STARD13: variants seen among roughly 807,000 people sequenced by gnomAD.
STARD13 encodes the protein StAR related lipid transfer domain containing 13.
In STARD13, 62 loss-of-function variants were observed where a neutral mutation model predicts 106.4. The ratio of observed to expected loss-of-function variants is 0.58; its 90% CI spans 0.48 to 0.72. The LOEUF is 0.72. Among genes scored for constraint, STARD13 ranks in the 30% least tolerant of loss-of-function variants. The pLI, the probability that STARD13 is intolerant of heterozygous loss-of-function variation, is 0.00. For synonymous variants in STARD13, 565 were observed against 553.0 expected (o/e 1.02, Z -0.31); for missense variants, 1,387 against 1,424.0 (o/e 0.97, Z 0.42).
intron 1 of STARD13, among the ~76,000 whole-genome samples, chr13:33,246,726 G>C (rs1889840456): frequency 1.3e-5 from 2 of 152,138 alleles, no homozygotes; most frequent in Admixed American, 6.5e-5. Context: ...AACTAAGAGA[G>C]AGAGAGAGAG....
chr13:33,284,405 CATTT>C (rs1405040732), intron 1 of STARD13, among the ~76,000 whole-genome samples: 1 of 152,176 alleles, frequency 6.6e-6, no homozygotes, highest in Non-Finnish European at 1.5e-5. Flanking sequence ...ATCTTAAACT[CATTT>C]ATTTAAGTGG....
intron 1 of STARD13, among the ~76,000 whole-genome samples, chr13:33,195,450 T>C (rs1455479243): frequency 6.6e-6 from 1 of 152,240 alleles, no homozygotes; most frequent in African/African-American, 2.4e-5. Context: ...TGTAATTCAC[T>C]GAATCATTGC....
chr13:33,111,133 A>G (rs570094931), intron 10 of STARD13, among the ~76,000 whole-genome samples: 7 of 152,344 alleles, frequency 4.6e-5, no homozygotes, highest in African/African-American at 1.7e-4. Context: ...AAACATTGCA[A>G]TGACTTCCCC....
intron 1 of STARD13, among the ~76,000 whole-genome samples, chr13:33,339,892 G>A (rs778337376): frequency 2.0e-5 from 3 of 151,206 alleles, no homozygotes; most frequent in Non-Finnish European, 4.4e-5. Flanking sequence ...CAAGACCAGC[G>A]AGACTCTGTC....
At chr13:33,633,434 A>G in the STARD13 span, among the ~76,000 whole-genome samples, 1 of 152,224 alleles carries the variant, frequency 6.6e-6, no homozygotes, top group African/African-American at 2.4e-5. Context: ...AGATATACAT[A>G]TATACTTAGT....
the STARD13 span, among the ~76,000 whole-genome samples, chr13:33,540,459 A>G: frequency 6.6e-6 from 1 of 152,216 alleles, no homozygotes; most frequent in South Asian, 2.1e-4. Context: ...ATGCTGAACA[A>G]AGGGAGGATA....
rs973293749 is a variant in STARD13 at position 33,255,951 on chromosome 13, G to A, written c.169+29519C>T. Among the ~76,000 whole-genome samples, 5 of 152,210 alleles carry A rather than the reference G, an allele frequency of 3.3e-5. No individual in the cohort carries two copies. The South Asian group carries it at 8.3e-4, about 25-fold the overall frequency. On this transcript the variant is annotated intron_variant, in intron 1 of 13. Coordinates refer to ENST00000336934, the MANE Select transcript of STARD13 (RefSeq NM_178006.4). ...CATAAGCACTAAAGAAAGAGCACATGTATGCAGGTCAATTTTTATATCAAG... is the reference window on the plus strand; with the variant it reads ...CATAAGCACTAAAGAAAGAGCACATATATGCAGGTCAATTTTTATATCAAG...
rs190436813 is a variant in STARD13 at position 33,174,800 on chromosome 13, T to C, written c.170-7178A>G. Among the ~76,000 whole-genome samples, 4 of 152,330 alleles carry C rather than the reference T, an allele frequency of 2.6e-5. No individual in the cohort carries two copies. The East Asian group carries it at 7.7e-4, about 29-fold the overall frequency. ...CTCAAGCGGAAACTGTTGTTGCATGTCTGTTAGTGTGGTGTAGAGATGAAC... is the reference window on the plus strand; with the variant it reads ...CTCAAGCGGAAACTGTTGTTGCATGCCTGTTAGTGTGGTGTAGAGATGAAC... On this transcript the variant is annotated intron_variant, in intron 1 of 13. Transcript: ENST00000336934.
the STARD13 span, among the ~76,000 whole-genome samples, chr13:33,614,460 G>A: frequency 6.6e-6 from 1 of 152,158 alleles, no homozygotes; most frequent in African/African-American, 2.4e-5. Flanking sequence ...TGGGCCACAG[G>A]TGTTCACTGA....
chr13:33,593,277 C>T, the STARD13 span, among the ~76,000 whole-genome samples: 4 of 152,010 alleles, frequency 2.6e-5, no homozygotes, highest in Admixed American at 2.0e-4. Flanking sequence ...CTCTGCCTCC[C>T]GGGTTCAAGT....
the STARD13 span, among the ~76,000 whole-genome samples, chr13:33,370,331 T>A: frequency 7.6e-4 from 116 of 152,316 alleles, 1 homozygote; most frequent in Middle Eastern, 0.027. Flanking sequence ...AATTTTGATA[T>A]TTATGGGCCA....
chr13:33,455,045 C>A, the STARD13 span, among the ~76,000 whole-genome samples: 1 of 152,322 alleles, frequency 6.6e-6, no homozygotes, highest in Non-Finnish European at 1.5e-5. Context: ...AGTAAAGGAA[C>A]TTTTAATTCA....
intron 1 of STARD13, among the ~76,000 whole-genome samples, chr13:33,200,328 T>C (rs924161956): frequency 6.6e-6 from 1 of 152,158 alleles, no homozygotes; most frequent in Non-Finnish European, 1.5e-5. Flanking sequence ...GACCTATTCG[T>C]CCCTGTGCCA....
chr13:33,315,015 G>A (rs2138511500), intron 1 of STARD13, among the ~76,000 whole-genome samples: 1 of 152,266 alleles, frequency 6.6e-6, no homozygotes, highest in Non-Finnish European at 1.5e-5. Context: ...TTTTTCATTG[G>A]AAGTTATAAT....
chr13:33,189,368 G>T (rs1886035119), intron 1 of STARD13, among the ~76,000 whole-genome samples: 1 of 140,738 alleles, frequency 7.1e-6, no homozygotes, highest in African/African-American at 2.6e-5. Context: ...AAGCAGGAGG[G>T]CAGGAAGGGA....
chr13:33,113,580 G>C, intron 8 of STARD13: 1 of 515,920 alleles, frequency 1.9e-6, no homozygotes. Flanking sequence ...TGCTTTGCAG[G>C]ATGCCTGCTA....
rs142077162 is a variant in STARD13 at position 33,198,687 on chromosome 13, G to A, written c.170-31065C>T. Among the ~76,000 whole-genome samples the A allele has an allele frequency of 8.9e-4, 135 of 152,142 alleles. 1 individual carries two copies. Among genetic ancestry groups the A allele is most frequent in the African/African-American group, 2.4e-3 (99 of 41,510 alleles). On this transcript the variant is annotated intron_variant, in intron 1 of 13. Coordinates refer to ENST00000336934, the MANE Select transcript of STARD13 (RefSeq NM_178006.4). The stretch of plus-strand genomic sequence containing the variant: ...TGAGCCCCACGAGTCAGGAAACTTT[G>A]TTTTCCTATTTTGCTCATTCCTGTG...
the STARD13 span, among the ~76,000 whole-genome samples, chr13:33,640,921 G>A: frequency 6.6e-6 from 1 of 152,240 alleles, no homozygotes; most frequent in Non-Finnish European, 1.5e-5. Context: ...ACATGAATAG[G>A]AGAAAAGGCA....
chr13:33,391,510 CTT>C, the STARD13 span, among the ~76,000 whole-genome samples: 1 of 152,168 alleles, frequency 6.6e-6, no homozygotes, highest in African/African-American at 2.4e-5. Context: ...CCACATATTA[CTT>C]TAACACATAA....
Sources: gnomAD v4.1 joint callset for allele counts (sites outside exome capture counted in the v4.1 genomes callset) on GRCh38, gnomAD v4.1.1 for gene constraint, MANE v1.5 for transcripts, NCBI Gene and HGNC (gene_info 2026-07-23, HGNC 2026-07-21) for gene names.